Variants in WWOX observed in about 807,000 individuals in gnomAD.
WWOX encodes the protein WW domain-containing oxidoreductase.
A neutral mutation model predicts 46.2 loss-of-function variants in WWOX; 69 were observed. The observed-to-expected ratio is 1.49, with a 90% CI of 1.23 to 1.82. The LOEUF is 1.82. Ranked by LOEUF, WWOX falls within the 40% of genes most tolerant of loss-of-function variation. WWOX has a pLI of 0.00. For missense variants in WWOX, 919 were observed against 542.6 expected, an observed-to-expected ratio of 1.69 and a Z score of -6.89; for synonymous variants, 359 against 202.6, an observed-to-expected ratio of 1.77 and a Z score of -6.56.
intron 5 of WWOX, among the ~76,000 whole-genome samples, chr16:78,268,361 G>A (rs1280769027): frequency 2.0e-5 from 3 of 152,118 alleles, no homozygotes; most frequent in Non-Finnish European, 4.4e-5. Flanking sequence ...ATCCTGGGTT[G>A]CCATCTTGGC....
chr16:79,062,127 G>C lies in WWOX; in HGVS notation c.1057-149481G>C, dbSNP rs570401553. ...GTGATCTCATAGCACAGAATGACTG[G>C]CCACCCCAGACTGAAGGTTAGGGAG... On this transcript the variant is annotated intron_variant, in intron 8 of 8. Coordinates refer to ENST00000566780, the MANE Select transcript of WWOX (RefSeq NM_016373.4). Among the ~76,000 whole-genome samples the C allele has an allele frequency of 1.4e-3, 209 of 152,286 alleles. 1 individual carries two copies. Among genetic ancestry groups the C allele is most frequent in the Non-Finnish European group, 3.8e-4 (26 of 68,026 alleles).
At chr16:79,073,420 T>C (rs544030153) in intron 8 of WWOX, among the ~76,000 whole-genome samples, 2 of 152,176 alleles carry the variant, frequency 1.3e-5, no homozygotes, top group East Asian at 3.9e-4. Context: ...CCTCAGGTGA[T>C]CCACCCAACT....
intron 5 of WWOX, among the ~76,000 whole-genome samples, chr16:78,184,732 C>A (rs79873401): frequency 6.6e-6 from 1 of 152,086 alleles, no homozygotes; most frequent in Non-Finnish European, 1.5e-5. Context: ...ATGCAACCAC[C>A]GTAAAAGCAA....
chr16:78,766,096 G>A (rs2049919221), intron 8 of WWOX, among the ~76,000 whole-genome samples: 3 of 152,202 alleles, frequency 2.0e-5, no homozygotes, highest in Admixed American at 2.0e-4. Context: ...AATGATTTGT[G>A]GTCAGAGGTG....
intron 5 of WWOX, among the ~76,000 whole-genome samples, chr16:78,239,414 A>G (rs1160484444): frequency 6.6e-6 from 1 of 152,170 alleles, no homozygotes; most frequent in Non-Finnish European, 1.5e-5. Context: ...GTCCAGGGAT[A>G]ATGTTTTGTG....
intron 8 of WWOX, among the ~76,000 whole-genome samples, chr16:78,592,168 G>A (rs2151603904): frequency 6.6e-6 from 1 of 152,286 alleles, no homozygotes; most frequent in South Asian, 2.1e-4. Flanking sequence ...TACAAAAAAG[G>A]TCTGCTAGGC....
chr16:78,284,844 T>C (rs1293358294), intron 5 of WWOX, among the ~76,000 whole-genome samples: 1 of 152,252 alleles, frequency 6.6e-6, no homozygotes, highest in African/African-American at 2.4e-5. Flanking sequence ...TCAAGAGTCA[T>C]ACGATATTTG....
At chr16:78,904,647 A>G (rs146655923) in intron 8 of WWOX, among the ~76,000 whole-genome samples, 1 of 152,216 alleles carries the variant, frequency 6.6e-6, no homozygotes, top group African/African-American at 2.4e-5. Flanking sequence ...CACATAATTT[A>G]TCATCCACAC....
chr16:79,097,062 A>T (rs1178648002), intron 8 of WWOX, among the ~76,000 whole-genome samples: 1 of 146,742 alleles, frequency 6.8e-6, no homozygotes, highest in Non-Finnish European at 1.5e-5. Flanking sequence ...GTCAGGTTGG[A>T]TTTTTTTTTT....
chr16:78,139,340 C>T (rs1270054642), intron 4 of WWOX, among the ~76,000 whole-genome samples: 1 of 152,106 alleles, frequency 6.6e-6, no homozygotes, highest in Non-Finnish European at 1.5e-5. Flanking sequence ...TAATGATTCA[C>T]ATTGTATAAA....
rs573592626 is a variant in WWOX at position 78,434,276 on chromosome 16, G to T, written c.1056+1524G>T. 2.6e-5 allele frequency among the ~76,000 whole-genome samples: 4 copies of T among 152,218 alleles called. No individual in the cohort carries two copies. In the South Asian group the frequency reaches 8.3e-4, roughly 32 times the overall value. On this transcript the variant is annotated intron_variant, in intron 8 of 8. Coordinates refer to ENST00000566780, the MANE Select transcript of WWOX (RefSeq NM_016373.4). Reference sequence around the variant, plus strand: ...CCTACGGAGAATGGTGTTCCATGCCGCAGGGTGGGATTGATCTCTAGGAAG... The same window carrying T: ...CCTACGGAGAATGGTGTTCCATGCCTCAGGGTGGGATTGATCTCTAGGAAG...
chr16:78,742,540 C>G (rs963642703), intron 8 of WWOX, among the ~76,000 whole-genome samples: 1 of 152,230 alleles, frequency 6.6e-6, no homozygotes. Context: ...GTTCTTTCCT[C>G]TGACTCAAAT....
At chr16:78,790,280 G>T (rs903296984) in intron 8 of WWOX, among the ~76,000 whole-genome samples, 3 of 152,020 alleles carry the variant, frequency 2.0e-5, no homozygotes, top group African/African-American at 7.3e-5. Flanking sequence ...GATTACAGGC[G>T]CACGCCAGCA....
At chr16:78,884,461 A>G (rs1332452691) in intron 8 of WWOX, among the ~76,000 whole-genome samples, 1 of 152,110 alleles carries the variant, frequency 6.6e-6, no homozygotes, top group Non-Finnish European at 1.5e-5. Context: ...CAGTGGTGGA[A>G]TGGATAAATA....
chr16:79,181,273 T>C (rs2050906491), intron 8 of WWOX, among the ~76,000 whole-genome samples: 1 of 152,214 alleles, frequency 6.6e-6, no homozygotes, highest in African/African-American at 2.4e-5. Context: ...CAAACAAAAA[T>C]TTTTAAAAAT....
chr16:78,607,976 A>G (rs1057449653), intron 8 of WWOX, among the ~76,000 whole-genome samples: 8 of 152,208 alleles, frequency 5.3e-5, no homozygotes, highest in African/African-American at 1.4e-4. Flanking sequence ...CTATCAAAGT[A>G]TAATTAAATA....
At chr16:78,826,512 A>C (rs111408081) in intron 8 of WWOX, among the ~76,000 whole-genome samples, 1 of 152,044 alleles carries the variant, frequency 6.6e-6, no homozygotes, top group Non-Finnish European at 1.5e-5. Flanking sequence ...TATCACTCCA[A>C]TCCCTGCCTC....
chr16:78,792,524 G>C (rs186229769), intron 8 of WWOX, among the ~76,000 whole-genome samples: 1 of 152,298 alleles, frequency 6.6e-6, no homozygotes, highest in African/African-American at 2.4e-5. Flanking sequence ...ACGGCAGAGG[G>C]CATGGATAAG....
chr16:78,575,853 T>A (rs1011584052), intron 8 of WWOX, among the ~76,000 whole-genome samples: 1 of 152,092 alleles, frequency 6.6e-6, no homozygotes, highest in Admixed American at 6.6e-5. Flanking sequence ...GCATGGGACA[T>A]TTTTAAACAT....
Sources: gnomAD v4.1 joint callset for allele counts (sites outside exome capture counted in the v4.1 genomes callset) on GRCh38, gnomAD v4.1.1 for gene constraint, MANE v1.5 for transcripts, NCBI Gene and HGNC (gene_info 2026-07-23, HGNC 2026-07-21) for gene names.